Variants in GABRG3 observed in about 807,000 individuals in gnomAD.
The protein encoded by GABRG3 is gamma-aminobutyric acid type A receptor subunit gamma3.
A neutral mutation model predicts 48.8 loss-of-function variants in GABRG3; 25 were observed. That is an observed-to-expected ratio of 0.51 (90% CI 0.37 to 0.72). The LOEUF (loss-of-function observed/expected upper bound fraction) is 0.72, where lower values mean the gene tolerates loss of function less well. GABRG3 is among the 30% of genes least tolerant of loss of function. The pLI, the probability that GABRG3 is intolerant of heterozygous loss-of-function variation, is 0.00. For synonymous variants in GABRG3, 227 were observed against 217.6 expected, an observed-to-expected ratio of 1.04 and a Z score of -0.38; for missense variants, 394 against 577.9, an observed-to-expected ratio of 0.68 and a Z score of 3.26.
At chr15:27,017,710 T>A (rs998711328) in intron 2 of GABRG3, among the ~76,000 whole-genome samples, 1 of 152,240 alleles carries the variant, frequency 6.6e-6, no homozygotes, top group African/African-American at 2.4e-5. Flanking sequence ...CGGGGACTTC[T>A]GTGTGGCTGG....
chr15:27,283,009 T>A (rs1891488936), intron 3 of GABRG3, among the ~76,000 whole-genome samples: 1 of 152,170 alleles, frequency 6.6e-6, no homozygotes, highest in Non-Finnish European at 1.5e-5. Context: ...AGTATGTAGA[T>A]GATCTATCTT....
intron 3 of GABRG3, among the ~76,000 whole-genome samples, chr15:27,088,105 TTGTGTG>T (rs59358081): frequency 1.1e-4 from 16 of 147,370 alleles, no homozygotes; most frequent in South Asian, 4.4e-4. Flanking sequence ...TGTGCCGTGG[TTGTGTG>T]TGTGTGTGTG....
chr15:27,327,308 C>T (rs957982077), intron 4 of GABRG3, among the ~76,000 whole-genome samples: 4 of 152,152 alleles, frequency 2.6e-5, no homozygotes, highest in African/African-American at 9.7e-5. Context: ...TAGGTCCTCT[C>T]CCCTAGGAAA....
At chr15:27,290,642 C>T (rs928271630) in intron 3 of GABRG3, among the ~76,000 whole-genome samples, 2 of 152,142 alleles carry the variant, frequency 1.3e-5, no homozygotes, top group African/African-American at 4.8e-5. Context: ...AAAGTCCTGA[C>T]TAGTACCCCT....
intron 3 of GABRG3, among the ~76,000 whole-genome samples, chr15:27,187,849 G>A (rs1201181481): frequency 6.6e-6 from 1 of 151,628 alleles, no homozygotes; most frequent in Non-Finnish European, 1.5e-5. Context: ...CTAGCATTAG[G>A]TATATCTCCC....
intron 3 of GABRG3, among the ~76,000 whole-genome samples, chr15:27,323,222 T>C (rs1227913372): frequency 6.6e-6 from 1 of 152,184 alleles, no homozygotes; most frequent in Admixed American, 6.5e-5. Context: ...TTTTGACATA[T>C]TGAGTAATGT....
At chr15:27,182,814 A>G (rs1887974200) in intron 3 of GABRG3, among the ~76,000 whole-genome samples, 1 of 152,104 alleles carries the variant, frequency 6.6e-6, no homozygotes, top group African/African-American at 2.4e-5. Flanking sequence ...TCAATGACCT[A>G]ATGAACAGGA....
At chr15:26,980,905 G>T (rs1309334417) in intron 2 of GABRG3, among the ~76,000 whole-genome samples, 3 of 151,982 alleles carry the variant, frequency 2.0e-5, no homozygotes, top group African/African-American at 7.3e-5. Context: ...GGGAACAGCA[G>T]ACACTGGGGT....
At chr15:27,489,042 C>T (rs555370331) in intron 6 of GABRG3, among the ~76,000 whole-genome samples, 38 of 151,954 alleles carry the variant, frequency 2.5e-4, no homozygotes, top group Admixed American at 2.0e-3. Context: ...CCCCACCCCC[C>T]GACAGGCTCT....
chr15:27,383,841 T>C (rs1895848159), intron 5 of GABRG3, among the ~76,000 whole-genome samples: 1 of 152,214 alleles, frequency 6.6e-6, no homozygotes, highest in African/African-American at 2.4e-5. Flanking sequence ...ATAAAGTAAC[T>C]TGTATATAAT....
chr15:27,361,029 G>A (rs1054019438), intron 5 of GABRG3, among the ~76,000 whole-genome samples: 2 of 152,198 alleles, frequency 1.3e-5, no homozygotes, highest in Non-Finnish European at 2.9e-5. Flanking sequence ...TGAGGGGCCC[G>A]TGTGAGGCTG....
intron 5 of GABRG3, among the ~76,000 whole-genome samples, chr15:27,401,653 CCTT>C (rs994841019): frequency 9.9e-5 from 15 of 152,194 alleles, no homozygotes; most frequent in African/African-American, 3.6e-4. Flanking sequence ...CACGTCTTGA[CCTT>C]CTTCCATGCT....
intron 3 of GABRG3, among the ~76,000 whole-genome samples, chr15:27,041,051 TC>T (rs1896268089): frequency 6.8e-6 from 1 of 146,180 alleles, no homozygotes; most frequent in African/African-American, 2.5e-5. Flanking sequence ...GAAATTTTTT[TC>T]TCTCTTTTGC....
intron 3 of GABRG3, among the ~76,000 whole-genome samples, chr15:27,306,122 ACCT>A: frequency 7.9e-6 from 1 of 125,942 alleles, no homozygotes; most frequent in African/African-American, 3.0e-5. Flanking sequence ...TATAATATAA[ACCT>A]ATATGTTTAT....
chr15:27,237,024 G>A (rs149904552), intron 3 of GABRG3, among the ~76,000 whole-genome samples: 4 of 152,256 alleles, frequency 2.6e-5, no homozygotes, highest in East Asian at 1.9e-4. Flanking sequence ...CAAATGGATC[G>A]ACCTTGCGAT....
In GABRG3 at chr15:27,379,443, A is replaced by G. The variant is rs150352464; in HGVS notation, c.574+50555A>G. On this transcript the variant is annotated intron_variant, in intron 5 of 9. Transcript: ENST00000615808. ...TTATTGCTGTTATTTTGAACAAACT[A>G]TTATCTGTCAGATCAATTAAGAATA... Among the ~76,000 whole-genome samples, 819 of 152,340 alleles carry G rather than the reference A, an allele frequency of 5.4e-3. 12 individuals carry two copies. Among genetic ancestry groups the G allele is most frequent in the African/African-American group, 0.019 (788 of 41,586 alleles).
chr15:27,147,515 G>C (rs1049145629), intron 3 of GABRG3, among the ~76,000 whole-genome samples: 1 of 152,024 alleles, frequency 6.6e-6, no homozygotes, highest in Admixed American at 6.5e-5. Flanking sequence ...TTCTTTTCAA[G>C]TGTATTGTAA....
intron 6 of GABRG3, among the ~76,000 whole-genome samples, chr15:27,485,598 A>G (rs1326360257): frequency 6.6e-6 from 1 of 152,180 alleles, no homozygotes; most frequent in Non-Finnish European, 1.5e-5. Context: ...CATTAAGGTG[A>G]TTAGTCCCAA....
intron 3 of GABRG3, among the ~76,000 whole-genome samples, chr15:27,069,489 G>A (rs1896791802): frequency 6.6e-6 from 1 of 152,196 alleles, no homozygotes; most frequent in South Asian, 2.1e-4. Flanking sequence ...CACTGTCAGA[G>A]AGACTCGCGC....
Sources: allele counts gnomAD v4.1 joint callset (sites outside exome capture counted in the v4.1 genomes callset), GRCh38; gene constraint gnomAD v4.1.1; transcripts MANE v1.5; gene names NCBI Gene and HGNC (gene_info 2026-07-23, HGNC 2026-07-21).